CTNNA2: variants seen among roughly 807,000 people sequenced by gnomAD.
CTNNA2 encodes the protein catenin alpha 2, also known as catenin alpha-2.
Under a neutral mutation model 101.0 loss-of-function variants are expected in CTNNA2, and 42 were observed. That is an observed-to-expected ratio of 0.42 (90% CI 0.32 to 0.54). CTNNA2 has a LOEUF of 0.54. Among genes scored for constraint, CTNNA2 ranks in the 20% least tolerant of loss-of-function variants. The probability of loss-of-function intolerance (pLI) is 0.14; values close to 1 mark genes in which losing one functional copy is unlikely to be tolerated. For missense variants in CTNNA2, 871 were observed against 1,223.1 expected (o/e 0.71, Z 4.29); for synonymous variants, 450 against 456.4 (o/e 0.99, Z 0.18).
At chr2:79,262,125 T>C (rs1214146782) in intron 2 of CTNNA2, among the ~76,000 whole-genome samples, 2 of 152,072 alleles carry the variant, frequency 1.3e-5, no homozygotes, top group South Asian at 2.1e-4. Flanking sequence ...TTTAGCATCA[T>C]TGAGCCTGAA....
chr2:80,341,350 A>C (rs1041127110), intron 7 of CTNNA2, among the ~76,000 whole-genome samples: 1 of 152,166 alleles, frequency 6.6e-6, no homozygotes, highest in Non-Finnish European at 1.5e-5. Context: ...TCATCTCATT[A>C]ATATAGAAAA....
intron 3 of CTNNA2, among the ~76,000 whole-genome samples, chr2:79,780,658 G>A (rs1003067758): frequency 6.6e-6 from 1 of 152,140 alleles, no homozygotes; most frequent in Non-Finnish European, 1.5e-5. Flanking sequence ...GGCCTAAGGA[G>A]GGTAAGGCAT....
At chr2:80,604,504 A>AG (rs1363010884) in intron 16 of CTNNA2, among the ~76,000 whole-genome samples, 2 of 152,006 alleles carry the variant, frequency 1.3e-5, no homozygotes, top group Non-Finnish European at 2.9e-5. Flanking sequence ...TGCATAATGA[A>AG]GGGGGGAAAA....
At chr2:80,278,178 G>A (rs1393087381) in intron 7 of CTNNA2, among the ~76,000 whole-genome samples, 1 of 152,100 alleles carries the variant, frequency 6.6e-6, no homozygotes, top group Non-Finnish European at 1.5e-5. Context: ...GTGAAGTAAT[G>A]TAGGCAAAGC....
intron 1 of CTNNA2, among the ~76,000 whole-genome samples, chr2:79,569,747 T>C (rs896631908): frequency 6.6e-6 from 1 of 152,220 alleles, no homozygotes; most frequent in Non-Finnish European, 1.5e-5. Context: ...TTAAAACATA[T>C]GTAGGCTCAG....
At chr2:79,848,758 G>C (rs1434114) in intron 3 of CTNNA2, among the ~76,000 whole-genome samples, 136,672 of 152,224 alleles carry the variant, frequency 0.9, 61,473 homozygotes, top group African/African-American at 0.9. Flanking sequence ...ACTTAATTAT[G>C]TACCTTGGGA....
rs1691588065 is a variant in CTNNA2, at chr2:79,984,104, A to G, written c.1056+74307A>G. Reference sequence around the variant, plus strand: ...AAGACTTGCTACACAATTCCCCATAATAATTGATTTAGAATTGGCATGTTC... The same window carrying G: ...AAGACTTGCTACACAATTCCCCATAGTAATTGATTTAGAATTGGCATGTTC... On this transcript the variant is annotated intron_variant, in intron 7 of 18. Coordinates refer to ENST00000402739, the MANE Select transcript of CTNNA2 (RefSeq NM_001282597.3). Among the ~76,000 whole-genome samples the G allele has an allele frequency of 2.0e-5, 3 of 152,292 alleles. No homozygotes were observed. In the South Asian group the frequency reaches 6.2e-4, roughly 32 times the overall value.
intron 3 of CTNNA2, among the ~76,000 whole-genome samples, chr2:79,811,409 A>G (rs192707808): frequency 8.1e-4 from 124 of 152,216 alleles, no homozygotes; most frequent in African/African-American, 2.8e-3. Flanking sequence ...AGTTCATTGT[A>G]GATTCTGGAT....
At chr2:80,182,634 G>T (rs1447403628) in intron 7 of CTNNA2, among the ~76,000 whole-genome samples, 1 of 152,130 alleles carries the variant, frequency 6.6e-6, no homozygotes, top group Non-Finnish European at 1.5e-5. Flanking sequence ...AATCAAATAG[G>T]GTGGTGTGAT....
At chr2:79,610,148 C>T (rs1678170315) in intron 1 of CTNNA2, among the ~76,000 whole-genome samples, 1 of 151,960 alleles carries the variant, frequency 6.6e-6, no homozygotes, top group South Asian at 2.1e-4. Flanking sequence ...ATAAATATGG[C>T]AAATAAGCAC....
intron 9 of CTNNA2, among the ~76,000 whole-genome samples, chr2:80,469,169 T>G (rs2149483314): frequency 6.6e-6 from 1 of 152,320 alleles, no homozygotes; most frequent in South Asian, 2.1e-4. Flanking sequence ...TTCCTCTTTC[T>G]TTTCTTAGGG....
intron 7 of CTNNA2, among the ~76,000 whole-genome samples, chr2:80,192,351 T>A (rs979609826): frequency 2.0e-5 from 3 of 152,144 alleles, no homozygotes; most frequent in Non-Finnish European, 4.4e-5. Flanking sequence ...AAAACCACCA[T>A]ACGATTGTCT....
chr2:79,881,635 CT>C (rs901490170), intron 6 of CTNNA2, among the ~76,000 whole-genome samples: 2 of 151,670 alleles, frequency 1.3e-5, no homozygotes, highest in Non-Finnish European at 2.9e-5. Flanking sequence ...GCAACCCCTG[CT>C]TTTTTTGCTT....
At chr2:79,949,676 G>A (rs577627560) in intron 7 of CTNNA2, among the ~76,000 whole-genome samples, 3 of 152,276 alleles carry the variant, frequency 2.0e-5, no homozygotes, top group Admixed American at 2.0e-4. Context: ...TATTTGGGAA[G>A]CTGAAATAGA....
chr2:79,193,650 A>G (rs534685858), intron 1 of CTNNA2, among the ~76,000 whole-genome samples: 3 of 152,204 alleles, frequency 2.0e-5, no homozygotes, highest in Admixed American at 6.5e-5. Context: ...AATTTCAAAT[A>G]GGGCATCTCT....
chr2:80,645,530 C>A (rs1330163389), intron 18 of CTNNA2, among the ~76,000 whole-genome samples: 4 of 151,936 alleles, frequency 2.6e-5, no homozygotes, highest in Admixed American at 2.6e-4. Context: ...AGTATCAGAA[C>A]CTCCTGGATG....
At chr2:79,615,587 A>G (rs1380869456) in intron 1 of CTNNA2, among the ~76,000 whole-genome samples, 1 of 152,162 alleles carries the variant, frequency 6.6e-6, no homozygotes, top group African/African-American at 2.4e-5. Flanking sequence ...TGTTTTGACG[A>G]GAGGGTCAAT....
chr2:79,313,730 G>A (rs962374948), intron 3 of CTNNA2, among the ~76,000 whole-genome samples: 1 of 152,172 alleles, frequency 6.6e-6, no homozygotes, highest in Non-Finnish European at 1.5e-5. Context: ...CTTCTTCCTG[G>A]GGTCATGAGG....
In CTNNA2 at chr2:80,338,488, AAAT is replaced by A. The variant is rs1671957475; in HGVS notation, c.1057-54718_1057-54716del. ...AAAATGAGGAATGGGAGAGCAGTAC[AAAT>A]AATATCAAGTTGTTGGCTATGGGAG... On this transcript the variant is annotated intron_variant, in intron 7 of 18. Transcript: ENST00000402739. Among the ~76,000 whole-genome samples, 4 of 152,246 alleles carry A rather than the reference AAAT, an allele frequency of 2.6e-5. No individual in the cohort carries two copies. The South Asian group carries it at 8.3e-4, about 32-fold the overall frequency.
Sources: gnomAD v4.1 joint callset for allele counts (sites outside exome capture counted in the v4.1 genomes callset) on GRCh38, gnomAD v4.1.1 for gene constraint, MANE v1.5 for transcripts, NCBI Gene and HGNC (gene_info 2026-07-23, HGNC 2026-07-21) for gene names.